EPS15L1: variants seen among roughly 807,000 people sequenced by gnomAD.
EPS15L1 encodes the protein epidermal growth factor receptor substrate 15-like 1.
In EPS15L1, 43 loss-of-function variants were observed where a neutral mutation model predicts 117.1. The ratio of observed to expected loss-of-function variants is 0.37; its 90% CI spans 0.29 to 0.47. EPS15L1 has a LOEUF of 0.47. Among genes scored for constraint, EPS15L1 ranks in the 20% least tolerant of loss-of-function variants. The pLI is 0.99. For synonymous variants in EPS15L1, 459 were observed against 470.5 expected (o/e 0.98, Z 0.32); for missense variants, 981 against 1,164.0 (o/e 0.84, Z 2.29).
rs1214066097 is a variant in EPS15L1 at position 16,360,155 on chromosome 19, T to A, written c.2586+1624A>T. ...ATTATGAATTTCAGAAAGAGAACAG[T>A]CATTTCTTCAAGCTGCCGTTCACCC... On this transcript the variant is annotated intron_variant, in intron 23 of 23. Coordinates refer to ENST00000455140, the MANE Select transcript of EPS15L1 (RefSeq NM_001258374.3). 2.6e-5 allele frequency among the ~76,000 whole-genome samples: 4 copies of A among 151,714 alleles called. No homozygotes were observed. The East Asian group carries it at 7.8e-4, about 29-fold the overall frequency.
chr19:16,407,134 T>C (rs62118096), intron 13 of EPS15L1, among the ~76,000 whole-genome samples: 2,042 of 152,314 alleles, frequency 0.013, 43 homozygotes, highest in African/African-American at 0.047. Flanking sequence ...TGTGCTGTTA[T>C]GGCAAGCCAA....
At chr19:16,444,352 C>G (rs527595189) in intron 1 of EPS15L1, among the ~76,000 whole-genome samples, 24 of 152,112 alleles carry the variant, frequency 1.6e-4, no homozygotes, top group Admixed American at 1.6e-3. Flanking sequence ...AAGATGGCTG[C>G]CCCCCTCGTG....
Position 16,439,074 on chromosome 19 carries a change from G to GT in EPS15L1, c.214-1210dup, listed in dbSNP as rs755051356. Reference sequence around the variant, plus strand: ...GGATCACTTAGCTTGTTTTTTTTCTGTTTTTTTTTTTTTTTATTAACTGGC... The same window carrying GT: ...GGATCACTTAGCTTGTTTTTTTTCTGTTTTTTTTTTTTTTTTATTAACTGGC... On this transcript the variant is annotated intron_variant, in intron 4 of 23. Coordinates refer to ENST00000455140, the MANE Select transcript of EPS15L1 (RefSeq NM_001258374.3). 7.3e-3 allele frequency among the ~76,000 whole-genome samples: 841 copies of GT among 115,200 alleles called. 1 individual carries two copies. The highest frequency in any genetic ancestry group is 7.9e-3 in the Non-Finnish European group (389 of 49,092). 75.6% of individuals were successfully genotyped at this position (115,200 alleles called of 152,430 possible). A position where few individuals can be genotyped will look rare whatever the true frequency, so the allele number is the denominator to read the frequency against.
intron 16 of EPS15L1, among the ~76,000 whole-genome samples, chr19:16,397,525 G>A (rs150016057): frequency 1.1e-4 from 17 of 152,032 alleles, no homozygotes; most frequent in African/African-American, 3.1e-4. Context: ...CATTTCAGAG[G>A]TGTGACCTTC....
chr19:16,369,814 T>C (rs2092195414), intron 22 of EPS15L1, among the ~76,000 whole-genome samples: 1 of 151,992 alleles, frequency 6.6e-6, no homozygotes, highest in South Asian at 2.1e-4. Flanking sequence ...TCTTTGAAAA[T>C]TCGCATTTGT....
chr19:16,452,427 C>G (rs2093154387), intron 1 of EPS15L1, among the ~76,000 whole-genome samples: 1 of 147,922 alleles, frequency 6.8e-6, no homozygotes, highest in African/African-American at 2.5e-5. Flanking sequence ...GCCTGGGCAA[C>G]AGGAGTGAAA....
chr19:16,418,764 G>A (rs1207441476), intron 10 of EPS15L1, among the ~76,000 whole-genome samples: 1 of 152,138 alleles, frequency 6.6e-6, no homozygotes, highest in Non-Finnish European at 1.5e-5. Flanking sequence ...CCTTATAAAA[G>A]AGGCCCCAGA....
chr19:16,387,568 T>C (rs2092432933), intron 19 of EPS15L1, among the ~76,000 whole-genome samples: 2 of 151,742 alleles, frequency 1.3e-5, no homozygotes, highest in South Asian at 2.1e-4. Flanking sequence ...GATTATGCCA[T>C]TGCACTGCAG....
intron 4 of EPS15L1, among the ~76,000 whole-genome samples, chr19:16,440,410 GC>G (rs1243826983): frequency 3.3e-5 from 5 of 152,064 alleles, no homozygotes; most frequent in African/African-American, 4.8e-5. Context: ...TCCAGCCTGG[GC>G]AACAGAGTGA....
At chr19:16,421,602 A>G in intron 9 of EPS15L1, 126 bp from the exon 10 acceptor site, 1 of 995,874 alleles carries the variant, frequency 1.0e-6, no homozygotes. Flanking sequence ...CCTCACTTCC[A>G]TGAGCCAAGA....
chr19:16,394,119 G>T, intron 17 of EPS15L1, 118 bp from the exon 18 acceptor site: 2 of 871,942 alleles, frequency 2.3e-6, no homozygotes, highest in Non-Finnish European at 3.9e-6. Context: ...TCCAGTGTAG[G>T]GAGAGAATGT....
At chr19:16,373,481 T>TAA (rs11344510) in intron 22 of EPS15L1, among the ~76,000 whole-genome samples, 13 of 139,356 alleles carry the variant, frequency 9.3e-5, no homozygotes, top group South Asian at 2.3e-4. Flanking sequence ...ACTTTATGCT[T>TAA]AAAAAAAAAA....
At chr19:16,388,774 C>T (rs2092447709) in intron 19 of EPS15L1, among the ~76,000 whole-genome samples, 1 of 152,126 alleles carries the variant, frequency 6.6e-6, no homozygotes, top group Non-Finnish European at 1.5e-5. Flanking sequence ...TTGCAGTGAG[C>T]TGAGATCACG....
chr19:16,369,168 C>T (rs1207917567), intron 22 of EPS15L1, among the ~76,000 whole-genome samples: 1 of 152,124 alleles, frequency 6.6e-6, no homozygotes, highest in Non-Finnish European at 1.5e-5. Flanking sequence ...ACACACGGGA[C>T]CACGTAAGGG....
In EPS15L1 at chr19:16,381,269, C is replaced by T. The variant is rs1262544473; in HGVS notation, c.2247+3860G>A. Among the ~76,000 whole-genome samples the T allele has an allele frequency of 6.6e-6, 1 of 152,234 alleles. No individual in the cohort carries two copies. Among genetic ancestry groups the T allele is most frequent in the African/African-American group, 2.4e-5 (1 of 41,456 alleles). On this transcript the variant is annotated intron_variant, in intron 21 of 23. Transcript: ENST00000455140. The surrounding 1 kb of genome is among the most constrained non-coding windows in gnomAD (Gnocchi z 4.2). ...AGGAAACTGAGGCACACAAAGGAGG[C>T]GCAGCCTGCCCACATCACACAGCAG...
chr19:16,463,843 A>T (rs1462275744), intron 1 of EPS15L1, among the ~76,000 whole-genome samples: 1 of 152,244 alleles, frequency 6.6e-6, no homozygotes, highest in Non-Finnish European at 1.5e-5. Context: ...GCCCCAGCTG[A>T]TATGAAAAGG....
intron 1 of EPS15L1, among the ~76,000 whole-genome samples, chr19:16,451,844 T>TA (rs964499263): frequency 8.8e-4 from 126 of 143,066 alleles, no homozygotes; most frequent in African/African-American, 2.2e-3. Context: ...TTTCTAAGAT[T>TA]AAAAAAAAAC....
chr19:16,425,445 A>G (rs573670539), intron 8 of EPS15L1, 129 bp from the exon 9 acceptor site: 39 of 663,746 alleles, frequency 5.9e-5, no homozygotes, highest in Non-Finnish European at 1.0e-4. Flanking sequence ...CAAGCTGACC[A>G]GAGTGAAAAG....
intron 16 of EPS15L1, chr19:16,400,582 A>C (rs2092590705): frequency 1.0e-6 from 1 of 954,900 alleles, no homozygotes; most frequent in Admixed American, 6.2e-5. Flanking sequence ...AGGAGTAAAC[A>C]AAAATCTCTC....
Sources: allele counts gnomAD v4.1 joint callset (sites outside exome capture counted in the v4.1 genomes callset), GRCh38; gene constraint gnomAD v4.1.1; non-coding constraint Gnocchi (gnomAD v3.1); transcripts MANE v1.5; gene names NCBI Gene and HGNC (gene_info 2026-07-23, HGNC 2026-07-21).